The following RSPH4A variants were observed in gnomAD, a reference collection of about 807,000 sequenced individuals.
RSPH4A encodes radial spoke head component 4A.
In RSPH4A, 47 loss-of-function variants were observed where a neutral mutation model predicts 71.0. The ratio of observed to expected loss-of-function variants is 0.66; its 90% CI spans 0.52 to 0.84. The LOEUF (loss-of-function observed/expected upper bound fraction) is 0.84, where lower values mean the gene tolerates loss of function less well. RSPH4A is among the 40% of genes least tolerant of loss of function. The pLI is 0.00. For missense variants in RSPH4A, 793 were observed against 855.2 expected, an observed-to-expected ratio of 0.93 and a Z score of 0.91; for synonymous variants, 282 against 302.3, an observed-to-expected ratio of 0.93 and a Z score of 0.70.
rs574310575 is a variant in RSPH4A, at chr6:116,624,867, A to G, written c.921+1865A>G. Among the ~76,000 whole-genome samples the G allele has an allele frequency of 2.6e-5, 4 of 152,334 alleles. No individual in the cohort carries two copies. In the South Asian group the frequency reaches 8.3e-4, roughly 32 times the overall value. Reference sequence around the variant, plus strand: ...ATGGGAAAAAGGCTTTTCTGACTTTAAGTTGCTTAAAATTTACAGAAAGGC... The same window carrying G: ...ATGGGAAAAAGGCTTTTCTGACTTTGAGTTGCTTAAAATTTACAGAAAGGC... On this transcript the variant is annotated intron_variant, in intron 2 of 5. Coordinates refer to ENST00000229554, the MANE Select transcript of RSPH4A (RefSeq NM_001010892.3).
At position 116,616,494 on chromosome 6, in the gene RSPH4A, A is replaced by T. The variant is rs756993982; in HGVS notation, c.-130A>T. On this transcript the variant is annotated 5_prime_UTR_variant, in exon 1 of 6. Transcript: ENST00000229554. ...TGGGGTTGCTATGGAGATAGGACGC[A>T]GCAACTCACAGAGCAACCAGGACCC... 1 of 808,934 alleles carries T rather than the reference A, an allele frequency of 1.2e-6. No homozygotes were observed. The highest frequency in any genetic ancestry group is 1.5e-5 in the South Asian group (1 of 66,466). The allele number at this position is 808,934 out of a possible 1,614,324, so 50.1% of individuals were successfully genotyped here.
chr6:116,616,840 G>A lies in RSPH4A; in HGVS notation c.217G>A (p.Gly73Ser), dbSNP rs1406386112. 6.2e-7 allele frequency: 1 copy of A among 1,614,062 alleles called. No homozygotes were observed. Among genetic ancestry groups the A allele is most frequent in the East Asian group, 2.2e-5 (1 of 44,864 alleles). ...PQSRAKTPLG[G>S]PAGPETSSPA... ...GTCTAGAGCCAAGACGCCTCTGGGT[G>A]GCCCCGCGGGACCAGAAACATCATC... is the stretch of plus-strand genomic sequence containing the variant. Residue 73 changes from glycine to serine, a missense_variant, in exon 1 of 6, where the codon GGC becomes AGC. Gly to Ser is a moderately conservative substitution (Grantham distance 56). Transcript: ENST00000229554.
At position 116,628,300 on chromosome 6, in the gene RSPH4A, C is replaced by T. The variant is rs1483766455; in HGVS notation, c.1593C>T (p.Gly531=). Reference sequence around the variant, plus strand: ...TTGAGGAAAACCCTGATTTTGAAGGCATCCAAGTGATTGATCTAGTAGAAT... The same window carrying T: ...TTGAGGAAAACCCTGATTTTGAAGGTATCCAAGTGATTGATCTAGTAGAAT... The part of the protein sequence containing the change: ...NSFEENPDFE[G]IQVIDLVESL... The change falls in exon 3 of 6, where the codon GGC becomes GGT. Residue 531 remains glycine (G), a synonymous_variant. Coordinates refer to ENST00000229554, the MANE Select transcript of RSPH4A (RefSeq NM_001010892.3). 9 of 1,611,858 alleles carry T rather than the reference C, an allele frequency of 5.6e-6. No individual in the cohort carries two copies. The African/African-American group carries it at 6.7e-5, about 12-fold the overall frequency.
intron 3 of RSPH4A, 150 bp from the exon 4 acceptor site, chr6:116,629,417 A>G (rs1054490016): frequency 3.9e-5 from 35 of 893,522 alleles, no homozygotes; most frequent in Non-Finnish European, 5.9e-5. Context: ...CCTAGATCAA[A>G]ATAGCACTTG....
At position 116,622,810 on chromosome 6, in the gene RSPH4A, G is replaced by A; in HGVS notation, c.729G>A (p.Glu243=). ...ATATGTTGACCAAGATATTAAATGA[G>A]CGTCCTGAAAATGCTGTTGACATCT... ...LSNMLTKILN[E]RPENAVDIFE... is the part of the protein sequence containing the mutation. Residue 243 remains glutamate, a synonymous_variant, in exon 2 of 6, where the codon GAG becomes GAA. Transcript: ENST00000229554. 3 of 1,612,326 alleles carry A rather than the reference G, an allele frequency of 1.9e-6. No homozygotes were observed. The highest frequency in any genetic ancestry group is 1.7e-6 in the Non-Finnish European group (2 of 1,178,488).
intron 3 of RSPH4A, 83 bp from the exon 4 acceptor site, chr6:116,629,484 C>A: frequency 7.4e-7 from 1 of 1,349,678 alleles, no homozygotes; most frequent in Non-Finnish European, 1.1e-6. Context: ...CAGAGTTACA[C>A]TTCATCCTGA....
At chr6:116,630,627 G>A in intron 5 of RSPH4A, 75 bp downstream of exon 5, 1 of 533,232 alleles carries the variant, frequency 1.9e-6, no homozygotes, top group Non-Finnish European at 3.7e-6. Context: ...CCACTAGAAT[G>A]TTAAGCTACT....
Position 116,632,462 on chromosome 6 carries a change from T to C in RSPH4A, c.*21T>C. Reference sequence around the variant, plus strand: ...ACTAATAAACATAAAATTAGCCTGGTTTTATGTGACACTGATACACACACA... The same window carrying C: ...ACTAATAAACATAAAATTAGCCTGGCTTTATGTGACACTGATACACACACA... On this transcript the variant is annotated 3_prime_UTR_variant, in exon 6 of 6. Coordinates refer to ENST00000229554, the MANE Select transcript of RSPH4A (RefSeq NM_001010892.3). The C allele has an allele frequency of 6.3e-7, 1 of 1,595,448 alleles. No homozygotes were observed. The highest frequency in any genetic ancestry group is 8.5e-7 in the Non-Finnish European group (1 of 1,170,250).
chr6:116,626,363 C>G (rs549271656), intron 2 of RSPH4A, among the ~76,000 whole-genome samples: 1 of 151,148 alleles, frequency 6.6e-6, no homozygotes, highest in African/African-American at 2.4e-5. Flanking sequence ...TTTTCTTTTT[C>G]TTTTTTTTGA....
At position 116,625,186 on chromosome 6, in the gene RSPH4A, T is replaced by C. The variant is rs1328417181; in HGVS notation, c.921+2184T>C. On this transcript the variant is annotated intron_variant, in intron 2 of 5. Coordinates refer to ENST00000229554, the MANE Select transcript of RSPH4A (RefSeq NM_001010892.3). The stretch of plus-strand genomic sequence containing the variant: ...TTATTATATTCTTTTGACAACACGA[T>C]AAATGACAGAATGGAACAACTAACT... 2.0e-5 allele frequency among the ~76,000 whole-genome samples: 3 copies of C among 152,210 alleles called. No homozygotes were observed. In the East Asian group the frequency reaches 5.8e-4, roughly 29 times the overall value.
intron 1 of RSPH4A, among the ~76,000 whole-genome samples, chr6:116,622,297 A>G (rs1377160462): frequency 6.6e-6 from 1 of 152,174 alleles, no homozygotes; most frequent in Non-Finnish European, 1.5e-5. Context: ...AGGGGAATGG[A>G]AAAGAAGTTA....
chr6:116,624,319 T>A (rs908724343), intron 2 of RSPH4A, among the ~76,000 whole-genome samples: 2 of 152,190 alleles, frequency 1.3e-5, no homozygotes, highest in African/African-American at 4.8e-5. Flanking sequence ...ATGATGAGTC[T>A]GGGAGCAAAC....
chr6:116,619,942 A>T (rs1775573981), intron 1 of RSPH4A, among the ~76,000 whole-genome samples: 1 of 152,134 alleles, frequency 6.6e-6, no homozygotes, highest in Non-Finnish European at 1.5e-5. Context: ...GATGGTCTTG[A>T]TCTCCTGACT....
rs371374918 is a variant in RSPH4A at position 116,627,775 on chromosome 6, G to T, written c.1068G>T (p.Trp356Cys). The T allele has an allele frequency of 2.2e-5, 35 of 1,614,152 alleles. No individual in the cohort carries two copies. Among genetic ancestry groups the T allele is most frequent in the Non-Finnish European group, 3.0e-5 (35 of 1,180,028 alleles). The change falls in exon 3 of 6, where the codon TGG becomes TGT. Residue 356 changes from tryptophan to cysteine, a missense_variant. By Grantham distance (215) the Trp-to-Cys change is radical (BLOSUM62 -2). Transcript: ENST00000229554. ...DTHPIQRCRF[W>C]GKILGLEMNY... ...ACCCAATCCAAAGATGCCGCTTCTG[G>T]GGAAAGATCTTGGGTCTGGAAATGA...
chr6:116,619,789 G>A (rs1444094509), intron 1 of RSPH4A, among the ~76,000 whole-genome samples: 1 of 152,078 alleles, frequency 6.6e-6, no homozygotes, highest in African/African-American at 2.4e-5. Context: ...CACGATCTCG[G>A]CTCACTACAA....
chr6:116,618,020 C>G (rs1157941545), intron 1 of RSPH4A, among the ~76,000 whole-genome samples: 1 of 152,132 alleles, frequency 6.6e-6, no homozygotes, highest in Admixed American at 6.5e-5. Context: ...AATTTTAGGG[C>G]TAGAAGGGCT....
rs1309035826 is a variant in RSPH4A at position 116,627,950 on chromosome 6, C to A, written c.1243C>A (p.Gln415Lys). The A allele has an allele frequency of 1.2e-6, 2 of 1,614,046 alleles. No individual in the cohort carries two copies. The highest frequency in any genetic ancestry group is 4.5e-5 in the East Asian group (2 of 44,898). ...ACCAAAGTCCTTTTACAAGGCCCCA[C>A]AGGCTATACCAAAAGAAGAAAGTAG... is the stretch of plus-strand genomic sequence containing the variant. ...ELPKSFYKAP[Q>K]AIPKEESRTG... is the part of the protein sequence containing the mutation. Residue 415 changes from glutamine to lysine, a missense_variant, in exon 3 of 6, where the codon CAG (glutamine) becomes AAG (lysine). Physicochemically the swap from Gln to Lys is moderately conservative, Grantham distance 53 (BLOSUM62 1). Coordinates refer to ENST00000229554, the MANE Select transcript of RSPH4A (RefSeq NM_001010892.3).
chr6:116,632,464 T>G lies in RSPH4A; in HGVS notation c.*23T>G. On this transcript the variant is annotated 3_prime_UTR_variant, in exon 6 of 6. Transcript: ENST00000229554. ...TAATAAACATAAAATTAGCCTGGTT[T>G]TATGTGACACTGATACACACACACC... The G allele has an allele frequency of 6.3e-7, 1 of 1,593,644 alleles. No individual in the cohort carries two copies. Among genetic ancestry groups the G allele is most frequent in the East Asian group, 2.3e-5 (1 of 44,388 alleles).
intron 5 of RSPH4A, 149 bp from the exon 6 acceptor site, chr6:116,632,058 A>T: frequency 1.6e-6 from 1 of 610,694 alleles, no homozygotes; most frequent in South Asian, 2.0e-5. Context: ...AGAATCATTG[A>T]GGAATATTTC....
Sources: gnomAD v4.1 joint callset for allele counts (sites outside exome capture counted in the v4.1 genomes callset) on GRCh38, gnomAD v4.1.1 for gene constraint, MANE v1.5 for transcripts, NCBI Gene and HGNC (gene_info 2026-07-23, HGNC 2026-07-21) for gene names.